ST6GALNAC5: variants seen among roughly 807,000 people sequenced by gnomAD.
The protein encoded by ST6GALNAC5 is ST6 N-acetylgalactosaminide alpha-2,6-sialyltransferase 5.
ST6GALNAC5 carries 27 observed loss-of-function variants against 33.6 expected under a neutral mutation model. That is an observed-to-expected ratio of 0.80 (90% CI 0.59 to 1.11). The LOEUF is 1.11. Ranked by LOEUF, ST6GALNAC5 falls within the 50% of genes least tolerant of loss-of-function variation. The pLI is 0.00. For synonymous variants in ST6GALNAC5, 194 were observed against 171.2 expected (o/e 1.13, Z -1.04); for missense variants, 428 against 454.0 (o/e 0.94, Z 0.52).
chr1:76,977,645 C>T (rs1649065370), intron 2 of ST6GALNAC5, among the ~76,000 whole-genome samples: 1 of 152,152 alleles, frequency 6.6e-6, no homozygotes, highest in African/African-American at 2.4e-5. Flanking sequence ...GATAGAATTT[C>T]GTTCTGTTTT....
intron 2 of ST6GALNAC5, among the ~76,000 whole-genome samples, chr1:77,022,316 T>C (rs1033961523): frequency 1.3e-5 from 2 of 152,224 alleles, no homozygotes; most frequent in African/African-American, 4.8e-5. Flanking sequence ...TGCTTTGGCA[T>C]TGAAATTTTA....
At chr1:77,011,699 T>G (rs940572163) in intron 2 of ST6GALNAC5, among the ~76,000 whole-genome samples, 1 of 152,114 alleles carries the variant, frequency 6.6e-6, no homozygotes, top group Non-Finnish European at 1.5e-5. Context: ...AGTAATATTT[T>G]TATTTTATAA....
intron 2 of ST6GALNAC5, among the ~76,000 whole-genome samples, chr1:76,988,728 G>A (rs1289109615): frequency 6.6e-6 from 1 of 151,836 alleles, no homozygotes; most frequent in Non-Finnish European, 1.5e-5. Flanking sequence ...TCCTCTCAAT[G>A]TTTCAGTTAT....
At chr1:76,970,796 A>C (rs1648719478) in intron 2 of ST6GALNAC5, among the ~76,000 whole-genome samples, 4 of 152,224 alleles carry the variant, frequency 2.6e-5, no homozygotes, top group Admixed American at 2.6e-4. Context: ...CAGTATCATT[A>C]AGAATCATGT....
chr1:76,969,726 A>C (rs944244609), intron 2 of ST6GALNAC5, among the ~76,000 whole-genome samples: 3 of 152,186 alleles, frequency 2.0e-5, no homozygotes, highest in East Asian at 1.9e-4. Flanking sequence ...TGCCTCCTCA[A>C]GTGGGTCCCT....
chr1:77,004,564 G>A (rs1485777305), intron 2 of ST6GALNAC5, among the ~76,000 whole-genome samples: 38 of 136,382 alleles, frequency 2.8e-4, no homozygotes, highest in Non-Finnish European at 8.4e-5. Context: ...GAGGAGAGGC[G>A]CTCTGTGTTT....
chr1:76,924,231 A>G (rs1175894466), intron 2 of ST6GALNAC5, among the ~76,000 whole-genome samples: 1 of 152,160 alleles, frequency 6.6e-6, no homozygotes, highest in Non-Finnish European at 1.5e-5. Flanking sequence ...AAGCCCTTCC[A>G]TTCCAATTTC....
At chr1:76,915,913 AT>A (rs1646968791) in intron 2 of ST6GALNAC5, among the ~76,000 whole-genome samples, 1 of 147,522 alleles carries the variant, frequency 6.8e-6, no homozygotes. Flanking sequence ...TCCTTGGATA[AT>A]AATAATAATA....
intron 2 of ST6GALNAC5, among the ~76,000 whole-genome samples, chr1:76,977,566 G>C (rs775883427): frequency 2.0e-5 from 3 of 152,146 alleles, no homozygotes; most frequent in Non-Finnish European, 4.4e-5. Flanking sequence ...AGATCATGCA[G>C]TGTTTGTCCT....
intron 2 of ST6GALNAC5, among the ~76,000 whole-genome samples, chr1:77,015,421 G>T (rs1358497460): frequency 6.6e-6 from 1 of 152,102 alleles, no homozygotes. Context: ...GTCTCATCCA[G>T]AAACACCCTC....
At chr1:76,965,605 A>G (rs1353737059) in intron 2 of ST6GALNAC5, among the ~76,000 whole-genome samples, 1 of 152,158 alleles carries the variant, frequency 6.6e-6, no homozygotes, top group Non-Finnish European at 1.5e-5. Context: ...GAAGCTCTTT[A>G]GTTTAATTAG....
intron 2 of ST6GALNAC5, among the ~76,000 whole-genome samples, chr1:76,929,853 G>A (rs1377250091): frequency 6.6e-6 from 1 of 152,088 alleles, no homozygotes; most frequent in Non-Finnish European, 1.5e-5. Context: ...GCTCATGCCT[G>A]TAATCCCAGC....
intron 4 of ST6GALNAC5, among the ~76,000 whole-genome samples, chr1:77,053,735 C>T (rs1652303390): frequency 6.6e-6 from 1 of 152,174 alleles, no homozygotes; most frequent in African/African-American, 2.4e-5. Flanking sequence ...TTAGCAAAGT[C>T]TCAGGGCCTG....
chr1:77,012,559 T>C (rs1392353502), intron 2 of ST6GALNAC5, among the ~76,000 whole-genome samples: 6 of 152,262 alleles, frequency 3.9e-5, no homozygotes, highest in South Asian at 2.1e-4. Flanking sequence ...CTATGTATTC[T>C]GCACTGACAG....
At chr1:77,009,684 C>T (rs1650560088) in intron 2 of ST6GALNAC5, among the ~76,000 whole-genome samples, 1 of 152,120 alleles carries the variant, frequency 6.6e-6, no homozygotes, top group African/African-American at 2.4e-5. Context: ...CTGTATTTCT[C>T]TCCTTGCGCT....
intron 4 of ST6GALNAC5, among the ~76,000 whole-genome samples, chr1:77,059,802 T>C (rs1211948750): frequency 6.6e-6 from 1 of 152,216 alleles, no homozygotes; most frequent in Non-Finnish European, 1.5e-5. Flanking sequence ...ACATTGTTTA[T>C]TGGAATTTTT....
chr1:76,873,876 A>C (rs557639707), intron 2 of ST6GALNAC5, among the ~76,000 whole-genome samples: 1 of 152,332 alleles, frequency 6.6e-6, no homozygotes, highest in African/African-American at 2.4e-5. Context: ...TACTTGTTGA[A>C]GGCCTAGTAG....
At position 77,063,389 on chromosome 1, in the gene ST6GALNAC5, G is replaced by A. The variant is rs565363830; in HGVS notation, c.*183G>A. On this transcript the variant is annotated 3_prime_UTR_variant, in exon 5 of 5. Coordinates refer to ENST00000477717, the MANE Select transcript of ST6GALNAC5 (RefSeq NM_030965.3). ...CAGTTGGATTGTAAGGAAAAATTCC[G>A]GAATTAATGCATCCTAATGAATGTT... The A allele has an allele frequency of 5.0e-6, 3 of 598,700 alleles. No individual in the cohort carries two copies. Among genetic ancestry groups the A allele is most frequent in the African/African-American group, 1.9e-5 (1 of 53,886 alleles). 37.1% of individuals were successfully genotyped at this position (598,700 alleles called of 1,614,324 possible). A position where few individuals can be genotyped will look rare whatever the true frequency, so the allele number is the denominator to read the frequency against.
chr1:76,914,977 A>G (rs1167726213), intron 2 of ST6GALNAC5, among the ~76,000 whole-genome samples: 1 of 150,944 alleles, frequency 6.6e-6, no homozygotes, highest in African/African-American at 2.4e-5. Context: ...TCTACAATGA[A>G]CTCAAACAAA....
Sources: allele counts gnomAD v4.1 joint callset (sites outside exome capture counted in the v4.1 genomes callset), GRCh38; gene constraint gnomAD v4.1.1; transcripts MANE v1.5; gene names NCBI Gene and HGNC (gene_info 2026-07-23, HGNC 2026-07-21).